The following PCDH9 variants were observed in gnomAD, a reference collection of about 807,000 sequenced individuals.
PCDH9 encodes protocadherin-9.
A neutral mutation model predicts 70.6 loss-of-function variants in PCDH9; 24 were observed. The ratio of observed to expected loss-of-function variants is 0.34; its 90% CI spans 0.25 to 0.48. The LOEUF is 0.48. PCDH9 is among the 20% of genes least tolerant of loss of function. PCDH9 has a pLI of 0.99. For synonymous variants in PCDH9, 562 were observed against 558.5 expected (o/e 1.01, Z -0.09); for missense variants, 1,281 against 1,503.6 (o/e 0.85, Z 2.45).
At chr13:66,757,499 T>A (rs2079554849) in intron 3 of PCDH9, among the ~76,000 whole-genome samples, 1 of 152,132 alleles carries the variant, frequency 6.6e-6, no homozygotes, top group African/African-American at 2.4e-5. Context: ...CATTTATTTA[T>A]TCAACCAAAT....
chr13:66,553,321 G>A (rs904515786), intron 4 of PCDH9, among the ~76,000 whole-genome samples: 5 of 152,208 alleles, frequency 3.3e-5, no homozygotes, highest in Admixed American at 1.3e-4. Context: ...AGTACTTGTG[G>A]AATGGATTAT....
At chr13:66,481,542 C>G (rs1166183004) in intron 4 of PCDH9, among the ~76,000 whole-genome samples, 1 of 152,156 alleles carries the variant, frequency 6.6e-6, no homozygotes, top group Non-Finnish European at 1.5e-5. Flanking sequence ...GTAAACATAA[C>G]TTTTATAAAA....
At position 66,801,410 on chromosome 13, in the gene PCDH9, T is replaced by A. The variant is rs920458279; in HGVS notation, c.3138+102094A>T. On this transcript the variant is annotated intron_variant, in intron 3 of 4. Coordinates refer to ENST00000377865, the MANE Select transcript of PCDH9 (RefSeq NM_203487.3). ...GAATCAAATGCTCATTGAGACTGATTAATAAAATTACACTTACTGATATTT... is the reference window on the plus strand; with the variant it reads ...GAATCAAATGCTCATTGAGACTGATAAATAAAATTACACTTACTGATATTT... 4.6e-5 allele frequency among the ~76,000 whole-genome samples: 7 copies of A among 152,152 alleles called. No individual in the cohort carries two copies. The East Asian group carries it at 1.3e-3, about 29-fold the overall frequency.
chr13:67,137,943 C>A (rs2087275890), intron 2 of PCDH9, among the ~76,000 whole-genome samples: 1 of 152,008 alleles, frequency 6.6e-6, no homozygotes, highest in African/African-American at 2.4e-5. Flanking sequence ...GAAAGGAATG[C>A]CCATAAACAA....
chr13:66,995,224 T>C (rs568081758), intron 2 of PCDH9, among the ~76,000 whole-genome samples: 1 of 152,344 alleles, frequency 6.6e-6, no homozygotes, highest in South Asian at 2.1e-4. Context: ...GAGCTGGCAC[T>C]CTTTCAAATG....
intron 4 of PCDH9, among the ~76,000 whole-genome samples, chr13:66,430,172 C>T (rs576880726): frequency 6.6e-6 from 1 of 152,158 alleles, no homozygotes; most frequent in East Asian, 1.9e-4. Context: ...TTTATTCAAT[C>T]ACACAGCAAA....
chr13:66,882,291 T>A (rs2081934799), intron 3 of PCDH9, among the ~76,000 whole-genome samples: 1 of 152,168 alleles, frequency 6.6e-6, no homozygotes, highest in Admixed American at 6.5e-5. Context: ...TTAATGAACT[T>A]CTCCTCCATA....
intron 2 of PCDH9, among the ~76,000 whole-genome samples, chr13:67,101,976 G>A (rs747950300): frequency 8.5e-5 from 13 of 152,070 alleles, no homozygotes; most frequent in Non-Finnish European, 1.3e-4. Context: ...TCCCACTACC[G>A]AGTCCTTGTT....
chr13:66,865,014 ATTC>A (rs568835363), intron 3 of PCDH9, among the ~76,000 whole-genome samples: 39 of 152,202 alleles, frequency 2.6e-4, no homozygotes, highest in Non-Finnish European at 1.0e-4. Context: ...TTTAAATCAA[ATTC>A]TTCTCATTAA....
intron 2 of PCDH9, among the ~76,000 whole-genome samples, chr13:67,045,240 T>A (rs559368567): frequency 6.6e-6 from 1 of 152,304 alleles, no homozygotes; most frequent in South Asian, 2.1e-4. Context: ...CTCAGTTGAG[T>A]ATTTGAGCCA....
chr13:66,839,138 CATCTT>C (rs1359129657), intron 3 of PCDH9, among the ~76,000 whole-genome samples: 1 of 151,436 alleles, frequency 6.6e-6, no homozygotes, highest in African/African-American at 2.4e-5. Flanking sequence ...TCAAAAATAT[CATCTT>C]ATAGAATATT....
intron 4 of PCDH9, among the ~76,000 whole-genome samples, chr13:66,532,714 A>G (rs927270522): frequency 6.6e-6 from 1 of 152,018 alleles, no homozygotes; most frequent in Admixed American, 6.6e-5. Context: ...TATTTTCGGT[A>G]GAGACGGGGT....
intron 4 of PCDH9, among the ~76,000 whole-genome samples, chr13:66,362,941 G>C (rs1956495261): frequency 6.6e-6 from 1 of 152,144 alleles, no homozygotes; most frequent in Non-Finnish European, 1.5e-5. Flanking sequence ...AGCACTTTGA[G>C]AGACTGAGGT....
intron 2 of PCDH9, among the ~76,000 whole-genome samples, chr13:66,982,487 T>C (rs2083794674): frequency 6.6e-6 from 1 of 152,154 alleles, no homozygotes; most frequent in Non-Finnish European, 1.5e-5. Flanking sequence ...TACATTATAA[T>C]CCAATATTTG....
chr13:66,617,600 C>T (rs1005557610), intron 4 of PCDH9, among the ~76,000 whole-genome samples: 1 of 152,074 alleles, frequency 6.6e-6, no homozygotes, highest in Non-Finnish European at 1.5e-5. Context: ...CCCAACATGC[C>T]GGCAAAACAG....
At chr13:66,443,379 C>T (rs1372742531) in intron 4 of PCDH9, among the ~76,000 whole-genome samples, 1 of 152,114 alleles carries the variant, frequency 6.6e-6, no homozygotes, top group Non-Finnish European at 1.5e-5. Flanking sequence ...ATTTTTGGAA[C>T]TGTGTAACAA....
chr13:67,108,071 A>G (rs7323790), intron 2 of PCDH9, among the ~76,000 whole-genome samples: 148,868 of 152,324 alleles, frequency 0.98, 72,824 homozygotes, highest in East Asian at 1. Flanking sequence ...CTGGCTATGC[A>G]CAGTGGCCAG....
intron 3 of PCDH9, among the ~76,000 whole-genome samples, chr13:66,705,651 A>G (rs1375070110): frequency 1.3e-5 from 2 of 152,206 alleles, no homozygotes; most frequent in Admixed American, 1.3e-4. Flanking sequence ...AATGTCACAT[A>G]AAGTGATAAA....
At chr13:66,675,756 CCTT>C (rs1566498209) in intron 3 of PCDH9, among the ~76,000 whole-genome samples, 1 of 152,054 alleles carries the variant, frequency 6.6e-6, no homozygotes, top group Non-Finnish European at 1.5e-5. Flanking sequence ...CTTAACCTGT[CCTT>C]CATCTTTCTT....
Sources: gnomAD v4.1 joint callset for allele counts (sites outside exome capture counted in the v4.1 genomes callset) on GRCh38, gnomAD v4.1.1 for gene constraint, MANE v1.5 for transcripts, NCBI Gene and HGNC (gene_info 2026-07-23, HGNC 2026-07-21) for gene names.